Variants in IQCE observed in about 807,000 individuals in gnomAD.
IQCE encodes IQ domain-containing protein E.
Under a neutral mutation model 96.0 loss-of-function variants are expected in IQCE, and 115 were observed. The ratio of observed to expected loss-of-function variants is 1.20; its 90% confidence interval spans 1.03 to 1.40. The LOEUF (loss-of-function observed/expected upper bound fraction) is 1.40, where lower values mean the gene tolerates loss of function less well. Ranked by LOEUF, IQCE falls within the 40% of genes most tolerant of loss-of-function variation. The probability of loss-of-function intolerance (pLI) is 0.00; values close to 1 mark genes in which losing one functional copy is unlikely to be tolerated. For synonymous variants in IQCE, 412 were observed against 371.2 expected (o/e 1.11, Z -1.26); for missense variants, 1,041 against 909.1 (o/e 1.15, Z -1.87).
In IQCE at chr7:2,562,639, GT is replaced by G. The variant is rs1224611014; in HGVS notation, c.36+3430del. Among the ~76,000 whole-genome samples, 6 of 147,708 alleles carry G rather than the reference GT, an allele frequency of 4.1e-5. No homozygotes were observed. In the South Asian group the frequency reaches 6.5e-4, roughly 16 times the overall value. On this transcript the variant is annotated intron_variant, in intron 1 of 21. Transcript: ENST00000402050. ...TATTTTGGTAATTTCGTGTCTCTGG[GT>G]TTTTTTTCTTGGCTAAAGGTTTGTC...
At chr7:2,565,243 G>T (rs1460346550) in intron 1 of IQCE, among the ~76,000 whole-genome samples, 1 of 148,322 alleles carries the variant, frequency 6.7e-6, no homozygotes, top group Non-Finnish European at 1.5e-5. Flanking sequence ...GTGTGCGTGT[G>T]TGTGTGTGCA....
At chr7:2,587,202 G>C (rs1345122582) in intron 12 of IQCE, among the ~76,000 whole-genome samples, 2 of 152,164 alleles carry the variant, frequency 1.3e-5, no homozygotes, top group Non-Finnish European at 2.9e-5. Flanking sequence ...TTCCTGAGAT[G>C]GGGGAGGCAG....
intron 14 of IQCE, among the ~76,000 whole-genome samples, 178 bp downstream of exon 14, chr7:2,590,284 C>T (rs891517869): frequency 6.6e-6 from 1 of 152,214 alleles, no homozygotes; most frequent in Non-Finnish European, 1.5e-5. Context: ...AGTAGATCCT[C>T]CCCAGGCCCC....
In IQCE at chr7:2,593,011, C is replaced by G. The variant is rs1783727811; in HGVS notation, c.1245-11C>G. ...TGTGAACGCTGACGAGTCTCCTATT[C>G]TTGTGTGCAGTTTGGAGGTGAAGCA... On this transcript the variant is annotated splice_polypyrimidine_tract_variant and intron_variant, in intron 14 of 21. Coordinates refer to ENST00000402050, the MANE Select transcript of IQCE (RefSeq NM_152558.5). The G allele has an allele frequency of 6.3e-7, 1 of 1,592,992 alleles. No homozygotes were observed. Among genetic ancestry groups the G allele is most frequent in the South Asian group, 1.1e-5 (1 of 89,574 alleles).
intron 6 of IQCE, among the ~76,000 whole-genome samples, chr7:2,577,496 G>A (rs1476966722): frequency 1.5e-5 from 2 of 136,960 alleles, no homozygotes; most frequent in African/African-American, 5.8e-5. Context: ...ATTGGCGTGT[G>A]CGTGGCTGTG....
chr7:2,582,307 T>TG lies in IQCE; in HGVS notation c.631-268dup, dbSNP rs1782735954. Among the ~76,000 whole-genome samples the TG allele has an allele frequency of 2.6e-5, 4 of 152,114 alleles. No individual in the cohort carries two copies. In the South Asian group the frequency reaches 8.3e-4, roughly 32 times the overall value. On this transcript the variant is annotated intron_variant, in intron 8 of 21. Coordinates refer to ENST00000402050, the MANE Select transcript of IQCE (RefSeq NM_152558.5). Reference sequence around the variant, plus strand: ...CTGTCCCCCAGGTGTGCAGTGTGCTTGGGGGAGGGCTGCCAGTCGGTCAGT... The same window carrying TG: ...CTGTCCCCCAGGTGTGCAGTGTGCTTGGGGGGAGGGCTGCCAGTCGGTCAGT...
chr7:2,597,282 T>C (rs1428955657), intron 16 of IQCE: 2 of 376,872 alleles, frequency 5.3e-6, no homozygotes, highest in South Asian at 2.0e-5. Context: ...TGGGGCCCAA[T>C]ACAGGAGGCG....
At chr7:2,589,862 T>G (rs371023540) in intron 13 of IQCE, 45 bp from the exon 14 acceptor site, 2 of 1,568,670 alleles carry the variant, frequency 1.3e-6, no homozygotes, top group African/African-American at 1.4e-5. Context: ...AAATAGAAAG[T>G]AGAAATGAGA....
At chr7:2,568,514 C>A (rs1185126421) in intron 2 of IQCE, among the ~76,000 whole-genome samples, 1 of 152,214 alleles carries the variant, frequency 6.6e-6, no homozygotes, top group African/African-American at 2.4e-5. Flanking sequence ...ACCTTCCAGA[C>A]AGGGTCTCCC....
rs139464293 is a variant in IQCE at position 2,568,638 on chromosome 7, G to A, written c.85-316G>A. On this transcript the variant is annotated intron_variant, in intron 2 of 21. Transcript: ENST00000402050. ...CGCTGGGCTCCCAGGCTGGCTGTGC[G>A]GGCGGTTTGGGTGGGGGCAGATCCG... is the stretch of plus-strand genomic sequence containing the variant. Among the ~76,000 whole-genome samples the A allele has an allele frequency of 5.8e-3, 876 of 152,310 alleles. 9 individuals carry two copies. The highest frequency in any genetic ancestry group is 0.02 in the African/African-American group (833 of 41,560).
intron 3 of IQCE, among the ~76,000 whole-genome samples, chr7:2,569,264 C>T (rs750636452): frequency 1.3e-5 from 2 of 152,134 alleles, no homozygotes; most frequent in African/African-American, 4.8e-5. Flanking sequence ...CCACCAACTC[C>T]CCAGTCTCCC....
chr7:2,566,993 G>C, intron 1 of IQCE, 123 bp from the exon 2 acceptor site: 1 of 781,396 alleles, frequency 1.3e-6, no homozygotes, highest in Non-Finnish European at 2.2e-6. Context: ...AGTGGCCTCA[G>C]AGCTGGATTT....
At chr7:2,595,104 A>G in intron 16 of IQCE, 128 bp downstream of exon 16, 1 of 687,500 alleles carries the variant, frequency 1.5e-6, no homozygotes, top group African/African-American at 1.8e-5. Context: ...CTTTATCATC[A>G]CCATTGATTT....
At chr7:2,603,630 G>C (rs1041512746) in intron 18 of IQCE, among the ~76,000 whole-genome samples, 5 of 152,160 alleles carry the variant, frequency 3.3e-5, no homozygotes, top group African/African-American at 1.2e-4. Flanking sequence ...CCTCCGGCTG[G>C]TGCAGAGCCT....
intron 14 of IQCE, 59 bp from the exon 15 acceptor site, chr7:2,592,963 G>T: frequency 6.5e-7 from 1 of 1,535,086 alleles, no homozygotes; most frequent in South Asian, 1.2e-5. Context: ...GTGCCTTCCT[G>T]CTCTGACATA....
At position 2,584,476 on chromosome 7, in the gene IQCE, T is replaced by G. The variant is rs1313479059; in HGVS notation, c.824+191T>G. ...ATTTGCAGTGTTCACAGACTCCTCA[T>G]AGTGACCACGTGTTGATGGCCAACG... On this transcript the variant is annotated intron_variant, in intron 11 of 21. Transcript: ENST00000402050. 3 of 638,044 alleles carry G rather than the reference T, an allele frequency of 4.7e-6. No individual in the cohort carries two copies. In the African/African-American group the frequency reaches 5.4e-5, roughly 12 times the overall value. 39.5% of individuals were successfully genotyped at this position (638,044 alleles called of 1,614,324 possible).
In IQCE at chr7:2,600,846, A is replaced by G. The variant is rs1583501944; in HGVS notation, c.1609-595A>G. ...TCAACATCTGGGGAGGACTTCGCTC[A>G]CATCTATAAGAACACATGCTCCGAG... On this transcript the variant is annotated intron_variant, in intron 17 of 21. Coordinates refer to ENST00000402050, the MANE Select transcript of IQCE (RefSeq NM_152558.5). Among the ~76,000 whole-genome samples, 3 of 152,174 alleles carry G rather than the reference A, an allele frequency of 2.0e-5. No individual in the cohort carries two copies. The East Asian group carries it at 5.8e-4, about 29-fold the overall frequency.
chr7:2,602,526 C>A (rs1246112710), intron 18 of IQCE, among the ~76,000 whole-genome samples: 1 of 152,190 alleles, frequency 6.6e-6, no homozygotes, highest in Non-Finnish European at 1.5e-5. Flanking sequence ...TCTCACGCTG[C>A]CTTCCTCCTC....
intron 15 of IQCE, among the ~76,000 whole-genome samples, chr7:2,594,552 C>G (rs781172365): frequency 6.6e-6 from 1 of 152,260 alleles, no homozygotes; most frequent in Non-Finnish European, 1.5e-5. Flanking sequence ...CCGGCCTGGC[C>G]TCCTACTTAC....
Sources: allele counts gnomAD v4.1 joint callset (sites outside exome capture counted in the v4.1 genomes callset), GRCh38; gene constraint gnomAD v4.1.1; transcripts MANE v1.5; gene names NCBI Gene and HGNC (gene_info 2026-07-23, HGNC 2026-07-21).